Variants in NMNAT2 observed in about 807,000 individuals in gnomAD.
The protein encoded by NMNAT2 is nicotinamide nucleotide adenylyltransferase 2, also known as nicotinamide/nicotinic acid mononucleotide adenylyltransferase 2.
Under a neutral mutation model 41.6 loss-of-function variants are expected in NMNAT2, and 11 were observed. The ratio of observed to expected loss-of-function variants is 0.26; its 90% CI spans 0.17 to 0.44. The LOEUF is 0.44. Ranked by LOEUF, NMNAT2 falls within the 20% of genes least tolerant of loss-of-function variation. The pLI is 1.00. For synonymous variants in NMNAT2, 148 were observed against 151.2 expected (o/e 0.98, Z 0.16); for missense variants, 288 against 407.7 (o/e 0.71, Z 2.53).
intron 1 of NMNAT2, among the ~76,000 whole-genome samples, chr1:183,356,740 G>A (rs1663197492): frequency 6.6e-6 from 1 of 152,230 alleles, no homozygotes; most frequent in Non-Finnish European, 1.5e-5. Flanking sequence ...ACCTTTGGAA[G>A]GAGCTGAAAT....
At chr1:183,261,722 G>T (rs868638301) in intron 8 of NMNAT2, among the ~76,000 whole-genome samples, 1 of 152,104 alleles carries the variant, frequency 6.6e-6, no homozygotes, top group South Asian at 2.1e-4. Flanking sequence ...TCAGATGGAC[G>T]TCATGAGAGG....
At chr1:183,395,731 A>G (rs995447301) in intron 1 of NMNAT2, among the ~76,000 whole-genome samples, 3 of 152,186 alleles carry the variant, frequency 2.0e-5, no homozygotes, top group Non-Finnish European at 4.4e-5. Context: ...AGTCCAATAA[A>G]GGAGGTGTTA....
intron 1 of NMNAT2, among the ~76,000 whole-genome samples, chr1:183,330,858 C>T (rs1662567262): frequency 1.3e-5 from 2 of 152,168 alleles, no homozygotes; most frequent in Non-Finnish European, 2.9e-5. Context: ...GTAAAATGTG[C>T]AGAAAATAGT....
chr1:183,297,393 T>C (rs1319259598), intron 1 of NMNAT2, among the ~76,000 whole-genome samples: 3 of 151,840 alleles, frequency 2.0e-5, no homozygotes, highest in African/African-American at 7.3e-5. Flanking sequence ...CTTTTTTTTT[T>C]TTTTTTGAGA....
chr1:183,319,116 C>A (rs1662310343), intron 1 of NMNAT2, among the ~76,000 whole-genome samples: 1 of 152,150 alleles, frequency 6.6e-6, no homozygotes, highest in Non-Finnish European at 1.5e-5. Context: ...AGAAGCTATG[C>A]TGAAGTAGAA....
chr1:183,417,329 C>T (rs1435770825), intron 1 of NMNAT2, among the ~76,000 whole-genome samples: 1 of 152,066 alleles, frequency 6.6e-6, no homozygotes, highest in Non-Finnish European at 1.5e-5. Context: ...GCGATAAGTC[C>T]CCTCCCCCCA....
At position 183,417,499 on chromosome 1, in the gene NMNAT2, G is replaced by T. The variant is rs149779375; in HGVS notation, c.85+684C>A. On this transcript the variant is annotated intron_variant, in intron 1 of 10. Transcript: ENST00000287713. Reference sequence around the variant, plus strand: ...TCGCGCAGGGCCTCCCGCAGCCTCCGCCCGGCCCCCTCCCCGTCCTAGGCA... The same window carrying T: ...TCGCGCAGGGCCTCCCGCAGCCTCCTCCCGGCCCCCTCCCCGTCCTAGGCA... 3.1e-3 allele frequency among the ~76,000 whole-genome samples: 470 copies of T among 152,196 alleles called. 1 individual carries two copies. The highest frequency in any genetic ancestry group is 0.011 in the African/African-American group (451 of 41,530).
chr1:183,340,877 C>T (rs557111230), intron 1 of NMNAT2, among the ~76,000 whole-genome samples: 8 of 152,286 alleles, frequency 5.3e-5, no homozygotes, highest in East Asian at 1.9e-4. Context: ...TGGATTTATA[C>T]GAAGGGTGGG....
intron 1 of NMNAT2, among the ~76,000 whole-genome samples, chr1:183,389,794 A>AGGG (rs1557897576): frequency 1.3e-5 from 1 of 79,604 alleles, no homozygotes; most frequent in African/African-American, 4.1e-5. Flanking sequence ...GAAAGAAAGA[A>AGGG]AGAAAGAAAG....
At chr1:183,408,873 TAA>T (rs1054538292) in intron 1 of NMNAT2, among the ~76,000 whole-genome samples, 1 of 152,128 alleles carries the variant, frequency 6.6e-6, no homozygotes, top group Non-Finnish European at 1.5e-5. Flanking sequence ...TCTCTTTTTT[TAA>T]AAAAAGTCTT....
chr1:183,299,385 T>C (rs1325876893), intron 1 of NMNAT2, among the ~76,000 whole-genome samples: 1 of 151,228 alleles, frequency 6.6e-6, no homozygotes, highest in African/African-American at 2.4e-5. Context: ...CAAAAAAAAA[T>C]AAAAAAATAA....
chr1:183,288,418 C>T (rs894951010), intron 4 of NMNAT2, among the ~76,000 whole-genome samples: 3 of 152,220 alleles, frequency 2.0e-5, no homozygotes, highest in African/African-American at 7.2e-5. Flanking sequence ...GCTCTTGCTC[C>T]AAGACAGGGG....
rs142643221 is a variant in NMNAT2 at position 183,334,799 on chromosome 1, C to T, written c.86-41006G>A. 5.4e-3 allele frequency among the ~76,000 whole-genome samples: 822 copies of T among 151,600 alleles called. 21 individuals are homozygous for T. The highest frequency in any genetic ancestry group is 0.047 in the Admixed American group (717 of 15,226). ...TGCTGGGATTACAGGCATGAGCCAC[C>T]GCACCTGGCCCAAGGCCACCCATTC... On this transcript the variant is annotated intron_variant, in intron 1 of 10. Transcript: ENST00000287713.
At chr1:183,290,539 A>G (rs1661514178) in intron 3 of NMNAT2, 1 of 251,826 alleles carries the variant, frequency 4.0e-6, no homozygotes, top group African/African-American at 2.2e-5. Flanking sequence ...TAAAATGGGA[A>G]TAACAATAGT....
At chr1:183,345,364 C>A (rs1662904783) in intron 1 of NMNAT2, among the ~76,000 whole-genome samples, 2 of 152,120 alleles carry the variant, frequency 1.3e-5, no homozygotes, top group African/African-American at 2.4e-5. Context: ...GAAACTTAAT[C>A]CCTAATGTGG....
At chr1:183,277,443 A>G (rs1230204649) in intron 8 of NMNAT2, among the ~76,000 whole-genome samples, 3 of 142,738 alleles carry the variant, frequency 2.1e-5, no homozygotes, top group Non-Finnish European at 4.6e-5. Flanking sequence ...TGAACCTGGA[A>G]GGCAGAGGTT....
intron 1 of NMNAT2, among the ~76,000 whole-genome samples, chr1:183,363,587 C>CAT (rs1450084797): frequency 1.3e-5 from 2 of 151,776 alleles, no homozygotes; most frequent in Admixed American, 6.6e-5. Flanking sequence ...CATACACACA[C>CAT]ACACACACAC....
intron 3 of NMNAT2, among the ~76,000 whole-genome samples, chr1:183,292,331 C>T (rs1034382495): frequency 6.6e-6 from 1 of 152,188 alleles, no homozygotes; most frequent in African/African-American, 2.4e-5. Flanking sequence ...TAGGGGCAGG[C>T]CCGCACCTGT....
At chr1:183,307,108 T>A (rs1662010728) in intron 1 of NMNAT2, among the ~76,000 whole-genome samples, 1 of 152,064 alleles carries the variant, frequency 6.6e-6, no homozygotes, top group South Asian at 2.1e-4. Context: ...CTGAGAAGAT[T>A]TTCTTTTGAC....
Sources: gnomAD v4.1 joint callset for allele counts (sites outside exome capture counted in the v4.1 genomes callset) on GRCh38, gnomAD v4.1.1 for gene constraint, MANE v1.5 for transcripts, NCBI Gene and HGNC (gene_info 2026-07-23, HGNC 2026-07-21) for gene names.